The following TTC8 variants were observed in gnomAD, a reference collection of about 807,000 sequenced individuals.
TTC8 encodes tetratricopeptide repeat protein 8.
A neutral mutation model predicts 72.5 loss-of-function variants in TTC8; 47 were observed. The observed-to-expected ratio is 0.65, with a 90% CI of 0.51 to 0.83. The LOEUF is 0.83. Among genes scored for constraint, TTC8 ranks in the 40% least tolerant of loss-of-function variants. The probability of loss-of-function intolerance (pLI) is 0.00; values close to 1 mark genes in which losing one functional copy is unlikely to be tolerated. For missense variants in TTC8, 611 were observed against 623.2 expected (o/e 0.98, Z 0.21); for synonymous variants, 199 against 221.4 (o/e 0.90, Z 0.90).
At chr14:88,840,777 C>A in intron 3 of TTC8, 88 bp from the exon 4 acceptor site, 1 of 1,324,656 alleles carries the variant, frequency 7.5e-7, no homozygotes, top group Non-Finnish European at 1.1e-6. Flanking sequence ...TTTCACCAGG[C>A]CAGCGCAATT....
intron 10 of TTC8, among the ~76,000 whole-genome samples, chr14:88,864,363 TG>T (rs2094900962): frequency 6.6e-6 from 1 of 152,242 alleles, no homozygotes. Context: ...CTTGTTCCAA[TG>T]GTAACTATGC....
intron 2 of TTC8, among the ~76,000 whole-genome samples, chr14:88,837,254 G>C (rs909340776): frequency 6.6e-6 from 1 of 151,844 alleles, no homozygotes. Context: ...AATTCTCCTA[G>C]AGTTTCCAAA....
At chr14:88,843,687 G>A in intron 6 of TTC8, 119 bp from the exon 7 acceptor site, 1 of 647,734 alleles carries the variant, frequency 1.5e-6, no homozygotes, top group Non-Finnish European at 2.7e-6. Flanking sequence ...TAAAATGAGT[G>A]ATAGTAACAA....
rs141869493 is a variant in TTC8 at position 88,866,864 on chromosome 14, G to A, written c.910-3195G>A. Among the ~76,000 whole-genome samples, 467 of 152,188 alleles carry A rather than the reference G, an allele frequency of 3.1e-3. 2 individuals carry two copies. Among genetic ancestry groups the A allele is most frequent in the African/African-American group, 0.011 (445 of 41,530 alleles). ...ACCCAAGACTCCCATACACACAATC[G>A]TGGAGGGACAAAAGATAGGATAGGA... On this transcript the variant is annotated intron_variant, in intron 10 of 14. Coordinates refer to ENST00000380656, the MANE Select transcript of TTC8 (RefSeq NM_144596.4).
intron 10 of TTC8, among the ~76,000 whole-genome samples, chr14:88,868,958 T>A (rs2094922251): frequency 6.6e-6 from 1 of 152,212 alleles, no homozygotes; most frequent in South Asian, 2.1e-4. Flanking sequence ...AATCTGTGTA[T>A]GAGTATGTCT....
Position 88,870,136 on chromosome 14 carries a change from C to G in TTC8, c.987C>G (p.Ile329Met). ...LKQDNTHVEA[I>M]ACIGSNHFYS... ...AAGACAATACTCATGTGGAAGCCAT[C>G]GCATGCATTGGAAGCAACCACTTCT... Residue 329 changes from isoleucine (I) to methionine (M), a missense_variant, in exon 11 of 15, where the codon ATC becomes ATG. Coordinates refer to ENST00000380656, the MANE Select transcript of TTC8 (RefSeq NM_144596.4). 6.2e-7 allele frequency: 1 copy of G among 1,613,956 alleles called. No individual in the cohort carries two copies. The highest frequency in any genetic ancestry group is 8.5e-7 in the Non-Finnish European group (1 of 1,179,882).
At chr14:88,829,120 C>G (rs1463508736) in intron 1 of TTC8, among the ~76,000 whole-genome samples, 1 of 152,038 alleles carries the variant, frequency 6.6e-6, no homozygotes. Flanking sequence ...GGGACAGAGG[C>G]CAGCCGGGGT....
chr14:88,877,266 C>T (rs765441941), intron 14 of TTC8, 28 bp from the exon 15 acceptor site: 33 of 1,557,344 alleles, frequency 2.1e-5, no homozygotes, highest in Non-Finnish European at 2.8e-5. Context: ...GATCTCATTC[C>T]ATGGTCTTAT....
intron 7 of TTC8, among the ~76,000 whole-genome samples, chr14:88,846,319 T>G (rs527739999): frequency 1.3e-5 from 2 of 151,926 alleles, no homozygotes; most frequent in East Asian, 3.9e-4. Context: ...AGGGTGAAAC[T>G]CTGTCTCAAA....
chr14:88,847,425 T>C (rs1409624684), intron 7 of TTC8, among the ~76,000 whole-genome samples: 1 of 152,198 alleles, frequency 6.6e-6, no homozygotes, highest in Non-Finnish European at 1.5e-5. Context: ...ACGGAGGTGA[T>C]AGTAAAAACT....
chr14:88,873,438 C>T (rs2094943642), intron 13 of TTC8, among the ~76,000 whole-genome samples: 1 of 152,158 alleles, frequency 6.6e-6, no homozygotes, highest in South Asian at 2.1e-4. Flanking sequence ...CAGTATTTAC[C>T]ACTTTATCAG....
intron 1 of TTC8, among the ~76,000 whole-genome samples, chr14:88,827,263 C>A (rs914016791): frequency 2.6e-5 from 4 of 152,052 alleles, no homozygotes; most frequent in African/African-American, 7.2e-5. Context: ...TATCCCTTAT[C>A]CGAAAAGCTT....
At position 88,871,582 on chromosome 14, in the gene TTC8, G is replaced by A; in HGVS notation, c.1083G>A (p.Gln361=). 6.2e-7 allele frequency: 1 copy of A among 1,614,058 alleles called. No homozygotes were observed. The highest frequency in any genetic ancestry group is 1.1e-5 in the South Asian group (1 of 91,074). ...RLLQMGIYNG[Q]LFNNLGLCCF... is the part of the protein sequence containing the mutation. ...TGCAGATGGGCATTTATAACGGCCA[G>A]CTTTTTAACAATCTGGGGCTGTGTT... Residue 361 remains glutamine (Q), a synonymous_variant, in exon 12 of 15, where the codon CAG becomes CAA. Transcript: ENST00000380656. This position sits in a 1 kb window ranked among gnomAD's most constrained non-coding sequence, Gnocchi z 4.1.
chr14:88,870,383 C>T (rs1444268689), intron 11 of TTC8, among the ~76,000 whole-genome samples, 185 bp downstream of exon 11: 1 of 152,196 alleles, frequency 6.6e-6, no homozygotes, highest in Non-Finnish European at 1.5e-5. Context: ...ATGCAGATGT[C>T]TGGCATCTTG....
At chr14:88,834,232 A>G (rs932162255) in intron 2 of TTC8, among the ~76,000 whole-genome samples, 1 of 152,186 alleles carries the variant, frequency 6.6e-6, no homozygotes, top group Admixed American at 6.6e-5. Context: ...CGAGCAAATC[A>G]GTTTGGATAA....
intron 2 of TTC8, 103 bp from the exon 3 acceptor site, chr14:88,839,349 A>T: frequency 8.2e-7 from 1 of 1,212,138 alleles, no homozygotes; most frequent in Non-Finnish European, 1.2e-6. Context: ...AAACATGTTT[A>T]ATATAAAATG....
chr14:88,865,632 C>A (rs939262078), intron 10 of TTC8, among the ~76,000 whole-genome samples: 1 of 152,094 alleles, frequency 6.6e-6, no homozygotes, highest in African/African-American at 2.4e-5. Context: ...CGTGCCATTG[C>A]ACTCCAGTCT....
chr14:88,837,520 G>A (rs1290302334), intron 2 of TTC8, among the ~76,000 whole-genome samples: 2 of 152,120 alleles, frequency 1.3e-5, no homozygotes, highest in African/African-American at 4.8e-5. Context: ...GGTGCCCCCT[G>A]GTAATATGGG....
rs2094718051 is a variant in TTC8 at position 88,829,858 on chromosome 14, C to T, written c.115-3835C>T. Reference sequence around the variant, plus strand: ...TGGTTGAGACAGTGATTTGGTGATCCAAGCCAAAGAACATATCGTGTGATT... The same window carrying T: ...TGGTTGAGACAGTGATTTGGTGATCTAAGCCAAAGAACATATCGTGTGATT... On this transcript the variant is annotated intron_variant, in intron 1 of 14. Transcript: ENST00000380656. Among the ~76,000 whole-genome samples the T allele has an allele frequency of 3.9e-5, 6 of 152,258 alleles. No homozygotes were observed. The South Asian group carries it at 1.2e-3, about 32-fold the overall frequency.
Sources: allele counts gnomAD v4.1 joint callset (sites outside exome capture counted in the v4.1 genomes callset), GRCh38; gene constraint gnomAD v4.1.1; non-coding constraint Gnocchi (gnomAD v3.1); transcripts MANE v1.5; gene names NCBI Gene and HGNC (gene_info 2026-07-23, HGNC 2026-07-21).